CHN1: variants seen among roughly 807,000 people sequenced by gnomAD.
CHN1 encodes the protein chimerin 1, also known as N-chimaerin.
Under a neutral mutation model 59.5 loss-of-function variants are expected in CHN1, and 37 were observed. The ratio of observed to expected loss-of-function variants is 0.62; its 90% CI spans 0.48 to 0.82. The LOEUF is 0.82. Ranked by LOEUF, CHN1 falls within the 40% of genes least tolerant of loss-of-function variation. CHN1 has a pLI of 0.00. For missense variants in CHN1, 469 were observed against 571.0 expected, an observed-to-expected ratio of 0.82 and a Z score of 1.82; for synonymous variants, 206 against 200.4, an observed-to-expected ratio of 1.03 and a Z score of -0.24.
intron 5 of CHN1, among the ~76,000 whole-genome samples, chr2:174,889,168 A>T (rs1687975799): frequency 6.6e-6 from 1 of 152,160 alleles, no homozygotes; most frequent in Non-Finnish European, 1.5e-5. Context: ...CAGAGAAAAC[A>T]CATCTCCCCT....
At chr2:174,985,791 C>T (rs577206485) in intron 1 of CHN1, among the ~76,000 whole-genome samples, 40 of 152,220 alleles carry the variant, frequency 2.6e-4, no homozygotes, top group Non-Finnish European at 4.7e-4. Context: ...TAAACTTTAG[C>T]ATTTTAAGGG....
At chr2:174,959,830 T>A (rs1266211161) in intron 1 of CHN1, among the ~76,000 whole-genome samples, 2 of 152,100 alleles carry the variant, frequency 1.3e-5, no homozygotes, top group African/African-American at 4.8e-5. Flanking sequence ...TAAAAGAAAA[T>A]GAACTTTTAA....
intron 5 of CHN1, among the ~76,000 whole-genome samples, chr2:174,884,068 C>G (rs947573403): frequency 6.6e-6 from 1 of 150,544 alleles, no homozygotes; most frequent in African/African-American, 2.4e-5. Context: ...CCCAGGTTCA[C>G]GCCATTCTCC....
At chr2:174,954,560 T>C (rs1238268627) in intron 1 of CHN1, among the ~76,000 whole-genome samples, 1 of 152,166 alleles carries the variant, frequency 6.6e-6, no homozygotes, top group Non-Finnish European at 1.5e-5. Flanking sequence ...AAAGGACTAA[T>C]ATCCAGAATC....
chr2:175,001,202 C>T (rs1489309386), intron 1 of CHN1, among the ~76,000 whole-genome samples: 1 of 152,194 alleles, frequency 6.6e-6, no homozygotes, highest in African/African-American at 2.4e-5. Flanking sequence ...TGAGCTCACA[C>T]CACTGGGCCA....
At chr2:174,988,174 C>G (rs970999975) in intron 1 of CHN1, among the ~76,000 whole-genome samples, 1 of 151,854 alleles carries the variant, frequency 6.6e-6, no homozygotes, top group Non-Finnish European at 1.5e-5. Context: ...CTGGCTAACA[C>G]GGTGAAACCC....
chr2:174,922,790 AAT>A (rs1158936390), intron 3 of CHN1, among the ~76,000 whole-genome samples: 2 of 152,260 alleles, frequency 1.3e-5, no homozygotes, highest in Non-Finnish European at 2.9e-5. Flanking sequence ...TAATGTAAAT[AAT>A]ATACACAGTT....
At position 175,005,122 on chromosome 2, in the gene CHN1, G is replaced by A; in HGVS notation, c.-210C>T. The A allele has an allele frequency of 2.3e-6, 3 of 1,312,118 alleles. No homozygotes were observed. Among genetic ancestry groups the A allele is most frequent in the Non-Finnish European group, 2.9e-6 (3 of 1,028,618 alleles). The allele number at this position is 1,312,118 out of a possible 1,614,324, so 81.3% of individuals were successfully genotyped here. A position where few individuals can be genotyped will look rare whatever the true frequency, so the allele number is the denominator to read the frequency against. On this transcript the variant is annotated 5_prime_UTR_variant, in exon 1 of 13. Coordinates refer to ENST00000409900, the MANE Select transcript of CHN1 (RefSeq NM_001822.7). ...TTCACGCGTTATTGTCGGGCGCACC[G>A]GGCCCAGGGAGCCCCGCTAGCTCTC...
chr2:174,933,231 A>G (rs1689403366), intron 3 of CHN1, among the ~76,000 whole-genome samples: 1 of 152,232 alleles, frequency 6.6e-6, no homozygotes, highest in Non-Finnish European at 1.5e-5. Flanking sequence ...GGACATATAA[A>G]GAAATGTAAG....
intron 5 of CHN1, among the ~76,000 whole-genome samples, chr2:174,904,115 T>A (rs1043050181): frequency 1.3e-5 from 2 of 151,268 alleles, no homozygotes; most frequent in Non-Finnish European, 2.9e-5. Context: ...AATACAAAAT[T>A]AGCTGGGCAT....
At chr2:174,951,212 G>A (rs575081221) in intron 2 of CHN1, among the ~76,000 whole-genome samples, 12 of 152,268 alleles carry the variant, frequency 7.9e-5, no homozygotes, top group East Asian at 3.9e-4. Flanking sequence ...CACTAGCAGC[G>A]TTGAGGGGAA....
At chr2:174,827,812 G>A (rs2105406424) in intron 7 of CHN1, among the ~76,000 whole-genome samples, 1 of 152,242 alleles carries the variant, frequency 6.6e-6, no homozygotes, top group African/African-American at 2.4e-5. Context: ...GAAAGAAACT[G>A]GTCTGTTAAG....
chr2:174,993,430 C>A (rs1007062726), intron 1 of CHN1, among the ~76,000 whole-genome samples: 1 of 151,964 alleles, frequency 6.6e-6, no homozygotes, highest in African/African-American at 2.4e-5. Flanking sequence ...TCCTTTTTCA[C>A]TAGAGATGAA....
chr2:174,810,968 G>C (rs989963547), intron 10 of CHN1: 2 of 152,246 alleles, frequency 1.3e-5, no homozygotes, highest in Admixed American at 6.5e-5. Flanking sequence ...AGAAAATTAA[G>C]CTCCACTGAG....
rs1291878319 is a variant in CHN1 at position 174,799,673 on chromosome 2, GT to G, written c.*442del. 3.7e-6 allele frequency: 2 copies of G among 533,532 alleles called. No individual in the cohort carries two copies. The highest frequency in any genetic ancestry group is 4.4e-5 in the Admixed American group (2 of 45,040). 33.0% of individuals were successfully genotyped at this position (533,532 alleles called of 1,614,324 possible). On this transcript the variant is annotated 3_prime_UTR_variant, in exon 13 of 13. Transcript: ENST00000409900. ...TGGTAATGTAACAGCCAGAGGTGCT[GT>G]TTTATCCATTTGTGTGTGCGTGTTT...
chr2:174,866,560 T>A (rs1425945095), intron 6 of CHN1, among the ~76,000 whole-genome samples: 1 of 152,170 alleles, frequency 6.6e-6, no homozygotes, highest in Non-Finnish European at 1.5e-5. Context: ...CAAAGGGAAT[T>A]CACTATTCAC....
intron 1 of CHN1, among the ~76,000 whole-genome samples, chr2:174,961,478 C>A (rs558189053): frequency 4.6e-5 from 7 of 151,876 alleles, no homozygotes; most frequent in Admixed American, 2.6e-4. Flanking sequence ...GTAATCCCAG[C>A]TACTCGGGAG....
At chr2:174,932,060 CTG>C (rs1689365241) in intron 3 of CHN1, among the ~76,000 whole-genome samples, 1 of 152,110 alleles carries the variant, frequency 6.6e-6, no homozygotes, top group South Asian at 2.1e-4. Flanking sequence ...CATGAGCTGA[CTG>C]TGGTTTCAAA....
intron 1 of CHN1, among the ~76,000 whole-genome samples, chr2:174,978,465 G>A (rs1407395739): frequency 6.6e-6 from 1 of 152,202 alleles, no homozygotes; most frequent in Non-Finnish European, 1.5e-5. Context: ...GTCTCTCTGC[G>A]TGTGGGCCCT....
Sources: gnomAD v4.1 joint callset for allele counts (sites outside exome capture counted in the v4.1 genomes callset) on GRCh38, gnomAD v4.1.1 for gene constraint, MANE v1.5 for transcripts, NCBI Gene and HGNC (gene_info 2026-07-23, HGNC 2026-07-21) for gene names.